SF3B1: variants seen among roughly 807,000 people sequenced by gnomAD.
SF3B1 encodes the protein splicing factor 3b subunit 1.
SF3B1 carries 12 observed loss-of-function variants against 153.8 expected under a neutral mutation model. The ratio of observed to expected loss-of-function variants is 0.08; its 90% CI spans 0.05 to 0.13. The LOEUF (loss-of-function observed/expected upper bound fraction) is 0.13. SF3B1 is among the 10% of genes least tolerant of loss of function. SF3B1 has a pLI of 1.00. For missense variants in SF3B1, 513 were observed against 1,606.1 expected (o/e 0.32, Z 11.63); for synonymous variants, 498 against 525.2 (o/e 0.95, Z 0.71).
chr2:197,418,484 T>C, intron 5 of SF3B1, 25 bp downstream of exon 5: 1 of 1,550,504 alleles, frequency 6.4e-7, no homozygotes, highest in Admixed American at 1.7e-5. Flanking sequence ...TCACAACCAT[T>C]AAAACAGGAG....
intron 1 of SF3B1, among the ~76,000 whole-genome samples, chr2:197,430,076 G>C (rs542752322): frequency 3.0e-4 from 45 of 152,114 alleles, no homozygotes; most frequent in African/African-American, 1.0e-3. Context: ...AGATTTAAGA[G>C]ATAAATCATT....
At position 197,434,507 on chromosome 2, in the gene SF3B1, A is replaced by T. The variant is rs544363227; in HGVS notation, c.28+465T>A. 2.0e-5 allele frequency among the ~76,000 whole-genome samples: 3 copies of T among 152,340 alleles called. No individual in the cohort carries two copies. The South Asian group carries it at 6.2e-4, about 32-fold the overall frequency. ...AAGTAACTGACGCTTGAAGACACAC[A>T]AGGGTAGGAGTAACGGAATCTCGGT... On this transcript the variant is annotated intron_variant, in intron 1 of 24. Coordinates refer to ENST00000335508, the MANE Select transcript of SF3B1 (RefSeq NM_012433.4).
intron 12 of SF3B1, 35 bp downstream of exon 12, chr2:197,403,550 T>TTA: frequency 7.0e-7 from 1 of 1,434,760 alleles, no homozygotes; most frequent in South Asian, 1.4e-5. Context: ...AGTTAAAACT[T>TTA]TAAACTATCA....
In SF3B1 at chr2:197,416,834, C is replaced by A; in HGVS notation, c.573G>T (p.Gln191His). 6.2e-7 allele frequency: 1 copy of A among 1,614,144 alleles called. No homozygotes were observed. The highest frequency in any genetic ancestry group is 8.5e-7 in the Non-Finnish European group (1 of 1,180,000). Residue 191 changes from glutamine to histidine, a missense_variant, in exon 6 of 25, where the codon CAG becomes CAT. Gln to His is a conservative substitution (Grantham distance 24, BLOSUM62 0). Around this residue, in one of 21 missense-constraint regions of SF3B1, gnomAD observed 45 missense variants for 65.5 expected, o/e 0.69. Coordinates refer to ENST00000335508, the MANE Select transcript of SF3B1 (RefSeq NM_012433.4). ...AACGCCGTTTTCGTTTTGATGGAGG[C>A]TGGGACGCTGCTGCTCCATTGACGA... ...LKVVNGAAAS[Q>H]PPSKRKRRWD...
chr2:197,404,769 A>G (rs528441246), intron 11 of SF3B1: 1 of 188,708 alleles, frequency 5.3e-6, no homozygotes, highest in African/African-American at 2.3e-5. Flanking sequence ...ACCTTTACCA[A>G]TTTGGGCTAT....
rs2105986018 is a variant in SF3B1, at chr2:197,402,339, G to C, written c.2078-209C>G. 1 of 701,436 alleles carries C rather than the reference G, an allele frequency of 1.4e-6. No individual in the cohort carries two copies. The highest frequency in any genetic ancestry group is 2.0e-5 in the South Asian group (1 of 49,544). The allele number at this position is 701,436 out of a possible 1,614,324, so 43.5% of individuals were successfully genotyped here. ...TAAAATCTATAGTTTGTAGAGCTAT[G>C]CCTTTCCATTTATCTCCCCAAATCA... On this transcript the variant is annotated intron_variant, in intron 14 of 24. Transcript: ENST00000335508. The surrounding 1 kb of genome is among the most constrained non-coding windows in gnomAD (Gnocchi z 4.6).
chr2:197,430,077 A>C (rs898368612), intron 1 of SF3B1, among the ~76,000 whole-genome samples: 1 of 152,240 alleles, frequency 6.6e-6, no homozygotes, highest in African/African-American at 2.4e-5. Flanking sequence ...GATTTAAGAG[A>C]TAAATCATTA....
At chr2:197,399,590 C>T (rs886690801) in intron 20 of SF3B1, among the ~76,000 whole-genome samples, 4 of 152,118 alleles carry the variant, frequency 2.6e-5, no homozygotes, top group African/African-American at 9.7e-5. Context: ...ATAATTTGAT[C>T]AGTTCACTTT....
intron 24 of SF3B1, 148 bp downstream of exon 24, chr2:197,392,824 C>A: frequency 3.2e-6 from 2 of 616,458 alleles, no homozygotes; most frequent in East Asian, 5.5e-5. Flanking sequence ...GGCTTAAAAC[C>A]TAGATGACAG....
intron 24 of SF3B1, 58 bp downstream of exon 24, chr2:197,392,914 C>T: frequency 2.0e-6 from 2 of 993,796 alleles, no homozygotes; most frequent in South Asian, 1.4e-5. Context: ...TATCCCAGAA[C>T]TTAAAGTATT....
intron 23 of SF3B1, chr2:197,393,449 A>T: frequency 4.3e-6 from 2 of 462,044 alleles, no homozygotes; most frequent in South Asian, 6.3e-5. Context: ...CATATTTTCT[A>T]ATTAACTTTT....
intron 1 of SF3B1, among the ~76,000 whole-genome samples, chr2:197,431,507 A>C (rs534128626): frequency 1.7e-4 from 26 of 152,204 alleles, no homozygotes; most frequent in Non-Finnish European, 3.4e-4. Flanking sequence ...TTTTCGTCTG[A>C]ATTATTTTCA....
At chr2:197,420,588 CAA>C in intron 3 of SF3B1, 46 bp from the exon 4 acceptor site, 2 of 1,288,716 alleles carry the variant, frequency 1.6e-6, no homozygotes, top group Non-Finnish European at 2.2e-6. Context: ...ATTAAAATAA[CAA>C]AACAGAATAT....
intron 6 of SF3B1, among the ~76,000 whole-genome samples, chr2:197,411,066 T>TA (rs1346834146): frequency 1.3e-5 from 2 of 152,138 alleles, no homozygotes; most frequent in African/African-American, 4.8e-5. Flanking sequence ...GCCTCCTGAG[T>TA]AGCTGAGACT....
rs766090084 is a variant in SF3B1 at position 197,400,439 on chromosome 2, A to G, written c.2719-5T>C. 1 of 1,583,822 alleles carries G rather than the reference A, an allele frequency of 6.3e-7. No individual in the cohort carries two copies. The highest frequency in any genetic ancestry group is 1.2e-5 in the South Asian group (1 of 85,504). ...GCCGTTCAACATTACTGAGTCCTAA[A>G]AAATAAATTTAAAAAAAAGACATAT... is the stretch of plus-strand genomic sequence containing the variant. On this transcript the variant is annotated splice_region_variant and splice_polypyrimidine_tract_variant and intron_variant, in intron 18 of 24. Transcript: ENST00000335508. The surrounding 1 kb of genome is among the most constrained non-coding windows in gnomAD (Gnocchi z 5.0).
At chr2:197,397,848 T>G in intron 22 of SF3B1, 137 bp downstream of exon 22, 4 of 518,794 alleles carry the variant, frequency 7.7e-6, no homozygotes, top group Non-Finnish European at 6.6e-6. Context: ...AGAAGGTCAG[T>G]GGTTAAATGA....
chr2:197,405,541 A>G, intron 9 of SF3B1, 69 bp from the exon 10 acceptor site: 1 of 1,107,282 alleles, frequency 9.0e-7, no homozygotes, highest in South Asian at 1.4e-5. Flanking sequence ...CAATATTTGC[A>G]CTTAAAATAT....
chr2:197,398,920 G>A, intron 20 of SF3B1: 1 of 541,388 alleles, frequency 1.8e-6, no homozygotes, highest in South Asian at 1.5e-5. Flanking sequence ...ATATAAGCCA[G>A]AGGTAAACAT....
At chr2:197,404,172 A>T (rs973280378) in intron 11 of SF3B1, among the ~76,000 whole-genome samples, 2 of 152,170 alleles carry the variant, frequency 1.3e-5, no homozygotes, top group African/African-American at 4.8e-5. Context: ...AGCTTTTTTA[A>T]CCAAAGAATT....
Sources: gnomAD v4.1 joint callset for allele counts (sites outside exome capture counted in the v4.1 genomes callset) on GRCh38, gnomAD v4.1.1 for gene constraint, gnomAD v4.1.1 regional missense constraint, Gnocchi (gnomAD v3.1) non-coding constraint, MANE v1.5 for transcripts, NCBI Gene and HGNC (gene_info 2026-07-23, HGNC 2026-07-21) for gene names.